The following CRADD variants were observed in gnomAD, a reference collection of about 807,000 sequenced individuals.
The protein encoded by CRADD is CARD and death domain containing adaptor protein, also known as death domain-containing protein CRADD.
A neutral mutation model predicts 15.5 loss-of-function variants in CRADD; 9 were observed. The observed-to-expected ratio is 0.58, with a 90% CI of 0.35 to 1.01. CRADD has a LOEUF of 1.01. Ranked by LOEUF, CRADD falls within the 50% of genes least tolerant of loss-of-function variation. CRADD has a pLI of 0.02. For missense variants in CRADD, 227 were observed against 250.3 expected, an observed-to-expected ratio of 0.91 and a Z score of 0.63; for synonymous variants, 118 against 107.6, an observed-to-expected ratio of 1.10 and a Z score of -0.60.
chr12:93,880,773 T>G (rs1593059326), intron 2 of CRADD, among the ~76,000 whole-genome samples: 1 of 152,252 alleles, frequency 6.6e-6, no homozygotes, highest in African/African-American at 2.4e-5. Context: ...AAAGATCTCT[T>G]TCTGCCTTTC....
chr12:93,888,159 C>A (rs895786195), intron 2 of CRADD, among the ~76,000 whole-genome samples: 2 of 152,090 alleles, frequency 1.3e-5, no homozygotes, highest in African/African-American at 4.8e-5. Context: ...GGCGCGGTGG[C>A]TTATGCCTGT....
Position 93,850,082 on chromosome 12 carries a change from T to C in CRADD, c.411T>C (p.Ser137=). 1 of 1,613,782 alleles carries C rather than the reference T, an allele frequency of 6.2e-7. No individual in the cohort carries two copies. Among genetic ancestry groups the C allele is most frequent in the Non-Finnish European group, 8.5e-7 (1 of 1,179,686 alleles). Residue 137 remains serine, a synonymous_variant, in exon 3 of 3, where the codon TCT becomes TCC. Coordinates refer to ENST00000332896, the MANE Select transcript of CRADD (RefSeq NM_003805.5). This position sits in a 1 kb window ranked among gnomAD's most constrained non-coding sequence, Gnocchi z 4.0. ...LGPEWEPMVL[S]LGLSQTDIYR... Reference sequence around the variant, plus strand: ...CTGAGTGGGAGCCCATGGTGCTGTCTCTGGGACTGTCCCAGACGGATATCT... The same window carrying C: ...CTGAGTGGGAGCCCATGGTGCTGTCCCTGGGACTGTCCCAGACGGATATCT...
At chr12:93,863,164 G>T (rs1322312981) in intron 2 of CRADD, among the ~76,000 whole-genome samples, 1 of 152,002 alleles carries the variant, frequency 6.6e-6, no homozygotes, top group Non-Finnish European at 1.5e-5. Context: ...TGGTTGTATT[G>T]CCTGTTCCTC....
chr12:93,874,274 T>C (rs1958443042), intron 2 of CRADD, among the ~76,000 whole-genome samples: 1 of 152,064 alleles, frequency 6.6e-6, no homozygotes, highest in African/African-American at 2.4e-5. Flanking sequence ...GAAATTCTGT[T>C]GTATCAGTTG....
At chr12:93,739,648 A>G (rs1956639177) in intron 2 of CRADD, among the ~76,000 whole-genome samples, 1 of 152,178 alleles carries the variant, frequency 6.6e-6, no homozygotes, top group South Asian at 2.1e-4. Context: ...TCAGAAAGAC[A>G]AAAAGAAAAC....
At chr12:93,874,416 T>G (rs1241281201) in intron 2 of CRADD, among the ~76,000 whole-genome samples, 1 of 152,028 alleles carries the variant, frequency 6.6e-6, no homozygotes, top group East Asian at 1.9e-4. Flanking sequence ...TTGTATTTTT[T>G]TATTTCAGTT....
chr12:93,841,699 A>C (rs1453848488), intron 2 of CRADD, among the ~76,000 whole-genome samples: 10 of 152,114 alleles, frequency 6.6e-5, no homozygotes, highest in Admixed American at 6.5e-4. Flanking sequence ...GGGCTTGGCC[A>C]CATATCTTGC....
At chr12:93,740,232 G>A (rs987006800) in intron 2 of CRADD, among the ~76,000 whole-genome samples, 1 of 152,118 alleles carries the variant, frequency 6.6e-6, no homozygotes, top group African/African-American at 2.4e-5. Flanking sequence ...AAACAGACCA[G>A]TTGTTTATTA....
chr12:93,822,154 G>C (rs1957776496), intron 2 of CRADD, among the ~76,000 whole-genome samples: 1 of 151,626 alleles, frequency 6.6e-6, no homozygotes, highest in Non-Finnish European at 1.5e-5. Context: ...TGAGTCAGTG[G>C]CACAAAAAGA....
At chr12:93,758,477 T>C (rs1956915407) in intron 2 of CRADD, among the ~76,000 whole-genome samples, 2 of 152,088 alleles carry the variant, frequency 1.3e-5, no homozygotes, top group South Asian at 4.1e-4. Context: ...ACCATGACTT[T>C]TAAATTAATA....
At position 93,850,245 on chromosome 12, in the gene CRADD, T is replaced by G; in HGVS notation, c.574T>G (p.Ser192Ala). ...GCTGCGGGCTGTGGAGGTGGACCCC[T>G]CGCTGCTCCTGCACATGTTGGAGTG... ...NGLRAVEVDP[S>A]LLLHMLE Residue 192 changes from serine to alanine, a missense_variant, in exon 3 of 3, where the codon TCG becomes GCG. Ser to Ala is a moderately conservative substitution (Grantham distance 99). Transcript: ENST00000332896. The surrounding 1 kb of genome is among the most constrained non-coding windows in gnomAD (Gnocchi z 4.0). 3.1e-6 allele frequency: 5 copies of G among 1,605,662 alleles called. No homozygotes were observed. The South Asian group carries it at 5.5e-5, about 18-fold the overall frequency.
chr12:93,776,246 A>C (rs1226921390), intron 2 of CRADD, among the ~76,000 whole-genome samples: 1 of 152,124 alleles, frequency 6.6e-6, no homozygotes, highest in East Asian at 1.9e-4. Context: ...ACAGTATTTA[A>C]ATTTATTTTC....
intron 2 of CRADD, among the ~76,000 whole-genome samples, chr12:93,828,743 T>C (rs1957855062): frequency 6.6e-6 from 1 of 152,262 alleles, no homozygotes; most frequent in Non-Finnish European, 1.5e-5. Context: ...CTTTAGGATG[T>C]CTTAAAATCA....
chr12:93,877,369 G>T (rs899365383), intron 2 of CRADD, among the ~76,000 whole-genome samples: 3 of 152,200 alleles, frequency 2.0e-5, no homozygotes, highest in Middle Eastern at 3.4e-3. Context: ...AGGGCTCTTC[G>T]ATCACTTGAT....
intron 2 of CRADD, among the ~76,000 whole-genome samples, chr12:93,863,596 T>TTG (rs1157061528): frequency 0.15 from 18,951 of 124,458 alleles, 1,605 homozygotes; most frequent in African/African-American, 0.18. Flanking sequence ...GTGGAGGCAT[T>TTG]TGTGTGTGTG....
intron 2 of CRADD, among the ~76,000 whole-genome samples, chr12:93,860,101 A>T (rs1278193653): frequency 6.6e-6 from 1 of 150,922 alleles, no homozygotes; most frequent in Non-Finnish European, 1.5e-5. Context: ...ACAGTGTGAA[A>T]ATTCTTCAAC....
chr12:93,868,045 T>A (rs1958385329), intron 2 of CRADD, among the ~76,000 whole-genome samples: 1 of 152,186 alleles, frequency 6.6e-6, no homozygotes, highest in South Asian at 2.1e-4. Flanking sequence ...TATGAAGAAA[T>A]AGGCAATTTA....
At chr12:93,749,742 G>T (rs559870221) in intron 2 of CRADD, among the ~76,000 whole-genome samples, 1 of 151,998 alleles carries the variant, frequency 6.6e-6, no homozygotes, top group Non-Finnish European at 1.5e-5. Flanking sequence ...CTCCCAACAC[G>T]CCCATCATTT....
chr12:93,682,613 T>C (rs1449557602), intron 2 of CRADD, among the ~76,000 whole-genome samples: 1 of 152,210 alleles, frequency 6.6e-6, no homozygotes, highest in Non-Finnish European at 1.5e-5. Flanking sequence ...TCTCAGAGGC[T>C]TTATTTTGGT....
Sources: allele counts gnomAD v4.1 joint callset (sites outside exome capture counted in the v4.1 genomes callset), GRCh38; gene constraint gnomAD v4.1.1; non-coding constraint Gnocchi (gnomAD v3.1); transcripts MANE v1.5; gene names NCBI Gene and HGNC (gene_info 2026-07-23, HGNC 2026-07-21).